The following HS6ST2 variants were observed in gnomAD, a reference collection of about 807,000 sequenced individuals.
HS6ST2 encodes the protein heparan-sulfate 6-O-sulfotransferase 2.
Under a neutral mutation model 33.0 loss-of-function variants are expected in HS6ST2, and 17 were observed. The ratio of observed to expected loss-of-function variants is 0.52; its 90% CI spans 0.35 to 0.77. The LOEUF (loss-of-function observed/expected upper bound fraction) is 0.77, where lower values mean the gene tolerates loss of function less well. Among genes scored for constraint, HS6ST2 ranks in the 30% least tolerant of loss-of-function variants. The pLI is 0.01. For synonymous variants in HS6ST2, 248 were observed against 237.1 expected, an observed-to-expected ratio of 1.05 and a Z score of -0.42; for missense variants, 519 against 551.7, an observed-to-expected ratio of 0.94 and a Z score of 0.59.
In HS6ST2 at chrX:132,932,615, G is replaced by A. The variant is rs776377819; in HGVS notation, c.947+24193C>T. 5.4e-5 allele frequency among the ~76,000 whole-genome samples: 6 copies of A among 110,593 alleles called. No homozygotes were observed. In the South Asian group the frequency reaches 1.9e-3, roughly 36 times the overall value. On this transcript the variant is annotated intron_variant, in intron 2 of 4. Coordinates refer to ENST00000370833, the MANE Select transcript of HS6ST2 (RefSeq NM_001394073.1). Reference sequence around the variant, plus strand: ...GAGACACGAAAAGACGTAGAAAGGCGTGACCCATACACAAGAGAAAAAGGC... The same window carrying A: ...GAGACACGAAAAGACGTAGAAAGGCATGACCCATACACAAGAGAAAAAGGC...
intron 2 of HS6ST2, among the ~76,000 whole-genome samples, chrX:132,717,195 G>A (rs954334438): frequency 8.8e-6 from 1 of 113,092 alleles, no homozygotes; most frequent in Non-Finnish European, 1.9e-5. Context: ...AAGGAGCTTA[G>A]GTCGCTGCTG....
At chrX:132,888,146 GA>G (rs1287811225) in intron 2 of HS6ST2, among the ~76,000 whole-genome samples, 2 of 111,788 alleles carry the variant, frequency 1.8e-5, no homozygotes, top group African/African-American at 3.2e-5. Flanking sequence ...ACAGTTGGTA[GA>G]TTTTTTTTAA....
chrX:132,800,288 A>G (rs2065221523), intron 2 of HS6ST2, among the ~76,000 whole-genome samples: 1 of 111,334 alleles, frequency 9.0e-6, no homozygotes, highest in Non-Finnish European at 1.9e-5. Flanking sequence ...TGTGCTCTTT[A>G]TGAGAATCTA....
chrX:132,823,853 A>T (rs866417947), intron 2 of HS6ST2, among the ~76,000 whole-genome samples: 4 of 92,516 alleles, frequency 4.3e-5, no homozygotes, highest in East Asian at 3.2e-4. Flanking sequence ...ACTTCATAAA[A>T]AATAATAATA....
At chrX:132,882,747 A>T (rs1458969057) in intron 2 of HS6ST2, among the ~76,000 whole-genome samples, 2 of 111,054 alleles carry the variant, frequency 1.8e-5, no homozygotes, top group African/African-American at 6.6e-5. Flanking sequence ...ATTCAGTATG[A>T]TATTGGCTGT....
chrX:132,839,821 A>T (rs921666621), intron 2 of HS6ST2, among the ~76,000 whole-genome samples: 1 of 111,364 alleles, frequency 9.0e-6, no homozygotes, highest in African/African-American at 3.3e-5. Flanking sequence ...TATCCTCTTC[A>T]AATTAGAACC....
intron 2 of HS6ST2, among the ~76,000 whole-genome samples, chrX:132,835,061 G>A (rs192979616): frequency 3.6e-5 from 4 of 111,810 alleles, no homozygotes; most frequent in Admixed American, 2.8e-4. Flanking sequence ...ATAAAAATAA[G>A]CATTTAAAAA....
intron 2 of HS6ST2, among the ~76,000 whole-genome samples, chrX:132,922,533 A>C (rs761728718): frequency 1.8e-5 from 2 of 111,953 alleles, no homozygotes; most frequent in Admixed American, 9.5e-5. Context: ...AGTGTCAATG[A>C]AAAGAGTTAA....
chrX:132,926,524 C>T (rs1264986887), intron 2 of HS6ST2, among the ~76,000 whole-genome samples: 1 of 112,507 alleles, frequency 8.9e-6, no homozygotes, highest in Non-Finnish European at 1.9e-5. Context: ...GGATTTTATC[C>T]TCAGCAACTA....
At chrX:132,729,207 C>A (rs1281729153) in intron 2 of HS6ST2, among the ~76,000 whole-genome samples, 2 of 112,353 alleles carry the variant, frequency 1.8e-5, no homozygotes, top group East Asian at 5.6e-4. Flanking sequence ...TCTTCAGTAA[C>A]CTAAGATTAA....
chrX:132,661,542 A>T (rs1054156619), intron 4 of HS6ST2, among the ~76,000 whole-genome samples: 37 of 112,005 alleles, frequency 3.3e-4, no homozygotes, highest in African/African-American at 1.1e-3. Flanking sequence ...AGTGAAATTT[A>T]AAAAACCCAA....
chrX:132,734,353 G>T (rs1477038066), intron 2 of HS6ST2, among the ~76,000 whole-genome samples: 5 of 109,615 alleles, frequency 4.6e-5, no homozygotes, highest in South Asian at 8.0e-4. Flanking sequence ...AGAAATCTAA[G>T]AAATCCCAGT....
At chrX:132,653,798 T>G (rs1024981435) in intron 4 of HS6ST2, among the ~76,000 whole-genome samples, 2 of 111,773 alleles carry the variant, frequency 1.8e-5, no homozygotes, top group African/African-American at 6.5e-5. Context: ...GGGATGAAGA[T>G]GAACAGGAGG....
chrX:132,707,942 T>C (rs1193950555), intron 3 of HS6ST2, among the ~76,000 whole-genome samples: 4 of 111,559 alleles, frequency 3.6e-5, no homozygotes, highest in Non-Finnish European at 7.5e-5. Context: ...CTCTGGCCTA[T>C]GGGATTACTT....
intron 3 of HS6ST2, among the ~76,000 whole-genome samples, chrX:132,680,390 T>A (rs988220751): frequency 1.8e-5 from 2 of 111,011 alleles, no homozygotes; most frequent in African/African-American, 6.6e-5. Context: ...TTGAGTTTTG[T>A]GTGCCTGTTG....
intron 2 of HS6ST2, among the ~76,000 whole-genome samples, chrX:132,873,104 C>G (rs139414240): frequency 0.042 from 4,711 of 111,727 alleles, 238 homozygotes; most frequent in African/African-American, 0.14. Context: ...CTGGTAAACA[C>G]TGAAATATGT....
Position 132,956,932 on chromosome X carries a change from T to C in HS6ST2, c.823A>G (p.Thr275Ala). ...CTCHRPGKRE[T>A]WLFSRFSTGW... ...GTGGAGAACCTGGAGAAGAGCCAGG[T>C]TTCCCGCTTACCCGGCCGGTGGCAA... The change falls in exon 2 of 5, where the codon ACC becomes GCC. Residue 275 changes from threonine to alanine, a missense_variant. Physicochemically the swap from Thr to Ala is moderately conservative, Grantham distance 58 (BLOSUM62 0). Coordinates refer to ENST00000370833, the MANE Select transcript of HS6ST2 (RefSeq NM_001394073.1). 8.3e-7 allele frequency: 1 copy of C among 1,204,065 alleles called. No homozygotes were observed.
intron 2 of HS6ST2, among the ~76,000 whole-genome samples, chrX:132,948,495 TA>T (rs2066977762): frequency 8.9e-6 from 1 of 112,271 alleles, no homozygotes; most frequent in Non-Finnish European, 1.9e-5. Flanking sequence ...TGAATATTTA[TA>T]ATATTCCAGA....
intron 3 of HS6ST2, among the ~76,000 whole-genome samples, chrX:132,696,019 G>A (rs1486080364): frequency 3.6e-5 from 4 of 111,567 alleles, no homozygotes; most frequent in Non-Finnish European, 7.5e-5. Context: ...CCTCTGAGTC[G>A]GTGGAGGAAA....
Sources: gnomAD v4.1 joint callset for allele counts (sites outside exome capture counted in the v4.1 genomes callset) on GRCh38, gnomAD v4.1.1 for gene constraint, MANE v1.5 for transcripts, NCBI Gene and HGNC (gene_info 2026-07-23, HGNC 2026-07-21) for gene names.